The following CDKL1 variants were observed in gnomAD, a reference collection of about 807,000 sequenced individuals.
CDKL1 encodes cyclin-dependent kinase-like 1.
Under a neutral mutation model 42.0 loss-of-function variants are expected in CDKL1, and 41 were observed. The observed-to-expected ratio is 0.98, with a 90% confidence interval of 0.76 to 1.27. The LOEUF (loss-of-function observed/expected upper bound fraction) is 1.27, where lower values mean the gene tolerates loss of function less well. Among genes scored for constraint, CDKL1 ranks in the 50% most tolerant of loss-of-function variants. The probability of loss-of-function intolerance (pLI) is 0.00; values close to 1 mark genes in which losing one functional copy is unlikely to be tolerated. For synonymous variants in CDKL1, 153 were observed against 158.6 expected (o/e 0.96, Z 0.26); for missense variants, 394 against 428.4 (o/e 0.92, Z 0.71).
chr14:50,374,225 CAG>C (rs1273172022), intron 2 of CDKL1, among the ~76,000 whole-genome samples: 4 of 152,134 alleles, frequency 2.6e-5, no homozygotes, highest in African/African-American at 9.7e-5. Context: ...GGTAAAGCTA[CAG>C]AGACAGTAAA....
At chr14:50,376,327 G>A (rs535337290) in intron 2 of CDKL1, 14 of 463,750 alleles carry the variant, frequency 3.0e-5, no homozygotes, top group Non-Finnish European at 4.9e-5. Flanking sequence ...ACACAGACAC[G>A]TCCTCTTACT....
At chr14:50,362,170 AC>A (rs1182063245) in intron 2 of CDKL1, 10 of 150,654 alleles carry the variant, frequency 6.6e-5, no homozygotes, top group Non-Finnish European at 9.2e-5. Context: ...TCCCCTCCCC[AC>A]CCCCCCACCC....
intron 8 of CDKL1, chr14:50,332,635 G>A (rs1461573498): frequency 7.2e-6 from 11 of 1,518,088 alleles, no homozygotes; most frequent in Admixed American, 4.0e-5. Context: ...TCTAGAAGTA[G>A]TAATGAAAAA....
intron 2 of CDKL1, among the ~76,000 whole-genome samples, chr14:50,387,584 A>G (rs937338217): frequency 6.6e-6 from 1 of 151,722 alleles, no homozygotes; most frequent in Non-Finnish European, 1.5e-5. Context: ...ACTGAGCAGT[A>G]GCTGTCCACT....
At chr14:50,348,357 C>T (rs2033794887) in intron 3 of CDKL1, among the ~76,000 whole-genome samples, 1 of 152,214 alleles carries the variant, frequency 6.6e-6, no homozygotes, top group South Asian at 2.1e-4. Context: ...CTCTCCACTA[C>T]TGGGCAGAAG....
rs780880848 is a variant in CDKL1, at chr14:50,395,723, A to C, written c.146T>G (p.Leu49Arg). ...TACCTTGAGCATTCGGATTTCCCGAAGGGCAATTTTCTTTATGACAGGGTC... is the reference window on the plus strand; with the variant it reads ...TACCTTGAGCATTCGGATTTCCCGACGGGCAATTTTCTTTATGACAGGGTC... ...EDDPVIKKIA[L>R]REIRMLKQLK... Residue 49 changes from leucine to arginine, a missense_variant, in exon 2 of 10, where the codon CTT becomes CGT. Coordinates refer to ENST00000395834, the MANE Select transcript of CDKL1 (RefSeq NM_004196.7). The C allele has an allele frequency of 6.2e-7, 1 of 1,612,290 alleles. No individual in the cohort carries two copies. Among genetic ancestry groups the C allele is most frequent in the Non-Finnish European group, 8.5e-7 (1 of 1,178,680 alleles).
At chr14:50,377,251 G>C (rs186906284) in intron 2 of CDKL1, among the ~76,000 whole-genome samples, 340 of 152,314 alleles carry the variant, frequency 2.2e-3, no homozygotes, top group Admixed American at 4.7e-3. Flanking sequence ...GCTGAGGTGT[G>C]GGATGCTGCT....
chr14:50,373,357 C>T (rs2034640692), intron 2 of CDKL1, among the ~76,000 whole-genome samples: 1 of 152,062 alleles, frequency 6.6e-6, no homozygotes. Context: ...GATAAAGGGA[C>T]ATATGAAAAG....
At chr14:50,384,314 T>C (rs1470955719) in intron 2 of CDKL1, among the ~76,000 whole-genome samples, 1 of 152,260 alleles carries the variant, frequency 6.6e-6, no homozygotes, top group African/African-American at 2.4e-5. Context: ...TATCTGCAGA[T>C]GTGTTTTACT....
chr14:50,332,585 A>C, intron 8 of CDKL1, 153 bp from the exon 9 acceptor site: 1 of 1,484,080 alleles, frequency 6.7e-7, no homozygotes, highest in Non-Finnish European at 9.1e-7. Context: ...AGTTCCTTCC[A>C]GTCATTCCTA....
At chr14:50,340,405 G>C (rs1274148921) in intron 6 of CDKL1, among the ~76,000 whole-genome samples, 2 of 152,206 alleles carry the variant, frequency 1.3e-5, no homozygotes, top group African/African-American at 4.8e-5. Flanking sequence ...ACTCAGGCGA[G>C]TAGTGTCTAA....
At chr14:50,332,903 CTTTTTTTT>C (rs35560184) in intron 8 of CDKL1, 9 of 261,404 alleles carry the variant, frequency 3.4e-5, no homozygotes, top group East Asian at 6.6e-5. Flanking sequence ...AAATCAGCTA[CTTTTTTTT>C]TTTTTTTTTT....
chr14:50,352,508 A>G (rs2033932121), intron 3 of CDKL1, among the ~76,000 whole-genome samples: 1 of 152,216 alleles, frequency 6.6e-6, no homozygotes, highest in African/African-American at 2.4e-5. Flanking sequence ...AACACTGAAA[A>G]TGACCTCAGT....
At chr14:50,381,939 G>A (rs1285481653) in intron 2 of CDKL1, among the ~76,000 whole-genome samples, 1 of 152,074 alleles carries the variant, frequency 6.6e-6, no homozygotes, top group African/African-American at 2.4e-5. Flanking sequence ...TGCCTGGCCA[G>A]TTTAGAAATT....
intron 7 of CDKL1, chr14:50,335,642 CAG>C: frequency 6.6e-7 from 1 of 1,517,944 alleles, no homozygotes; most frequent in South Asian, 1.2e-5. Flanking sequence ...GCTAATTGAG[CAG>C]AGAGGCTGAG....
intron 3 of CDKL1, among the ~76,000 whole-genome samples, chr14:50,357,867 C>T (rs2034102612): frequency 6.6e-6 from 1 of 152,190 alleles, no homozygotes; most frequent in African/African-American, 2.4e-5. Context: ...CCCACATGCC[C>T]TCCCAAATCC....
intron 3 of CDKL1, among the ~76,000 whole-genome samples, chr14:50,355,825 G>A (rs1032360805): frequency 1.1e-4 from 16 of 152,308 alleles, no homozygotes; most frequent in African/African-American, 2.9e-4. Flanking sequence ...GGAAACCCAC[G>A]TTTGCTGAGC....
intron 2 of CDKL1, among the ~76,000 whole-genome samples, chr14:50,383,564 A>C (rs201591412): frequency 1.7e-5 from 1 of 59,266 alleles, no homozygotes; most frequent in African/African-American, 8.4e-5. Flanking sequence ...AAAAAAAAAA[A>C]ACAAACAACA....
Position 50,359,115 on chromosome 14 carries a change from T to C in CDKL1, c.203A>G (p.Glu68Gly). 3 of 1,612,632 alleles carry C rather than the reference T, an allele frequency of 1.9e-6. No individual in the cohort carries two copies. Among genetic ancestry groups the C allele is most frequent in the Non-Finnish European group, 1.7e-6 (2 of 1,178,850 alleles). ...LKHPNLVNLLEVFRRKRRLHL... is the reference protein window; with the variant it reads ...LKHPNLVNLLGVFRRKRRLHL... ...AAGCCTCCGTTTCCTCCTGAAGACT[T>C]CCAGGAGGTTAACAAGGTTGGGATG... Residue 68 changes from glutamate to glycine, a missense_variant, in exon 3 of 10, where the codon GAA (glutamate) becomes GGA (glycine). Transcript: ENST00000395834.
Sources: allele counts gnomAD v4.1 joint callset (sites outside exome capture counted in the v4.1 genomes callset), GRCh38; gene constraint gnomAD v4.1.1; transcripts MANE v1.5; gene names NCBI Gene and HGNC (gene_info 2026-07-23, HGNC 2026-07-21).